OS9: variants seen among roughly 807,000 people sequenced by gnomAD.
The protein encoded by OS9 is protein OS-9.
Under a neutral mutation model 84.7 loss-of-function variants are expected in OS9, and 58 were observed. The observed-to-expected ratio is 0.68, with a 90% CI of 0.55 to 0.85. The LOEUF is 0.85. Among genes scored for constraint, OS9 ranks in the 40% least tolerant of loss-of-function variants. The probability of loss-of-function intolerance (pLI) is 0.00; values close to 1 mark genes in which losing one functional copy is unlikely to be tolerated. For synonymous variants in OS9, 278 were observed against 320.8 expected, an observed-to-expected ratio of 0.87 and a Z score of 1.43; for missense variants, 760 against 850.9, an observed-to-expected ratio of 0.89 and a Z score of 1.33.
At chr12:57,703,174 G>T (rs1481350314) in intron 5 of OS9, among the ~76,000 whole-genome samples, 1 of 152,162 alleles carries the variant, frequency 6.6e-6, no homozygotes, top group Non-Finnish European at 1.5e-5. Flanking sequence ...TCCTGCATCA[G>T]CAGTGTCCTT....
chr12:57,700,971 ACAGATGTTAATGTTTTGCCTGAT>A (rs1954005052), intron 5 of OS9, among the ~76,000 whole-genome samples: 1 of 152,222 alleles, frequency 6.6e-6, no homozygotes, highest in African/African-American at 2.4e-5. Context: ...GCCAAGTTAA[ACAGATGTTAATGTTTTGCCTGAT>A]TTGTTTCAGA....
chr12:57,711,283 TG>T (rs1174342791), intron 5 of OS9, among the ~76,000 whole-genome samples: 2 of 151,336 alleles, frequency 1.3e-5, no homozygotes, highest in East Asian at 1.9e-4. Context: ...TTCTATACCT[TG>T]CTTTTATTTC....
At chr12:57,696,824 A>G (rs552910773) in intron 5 of OS9, among the ~76,000 whole-genome samples, 1 of 151,424 alleles carries the variant, frequency 6.6e-6, no homozygotes, top group African/African-American at 2.4e-5. Context: ...AAAAACCCAC[A>G]TTATTTCCAG....
intron 5 of OS9, among the ~76,000 whole-genome samples, chr12:57,703,604 G>A (rs1361846049): frequency 2.0e-5 from 3 of 152,048 alleles, no homozygotes; most frequent in Admixed American, 2.0e-4. Flanking sequence ...CTATTCCATT[G>A]GTAAATATGT....
chr12:57,716,318 G>T, intron 7 of OS9, 94 bp from the exon 8 acceptor site: 1 of 1,144,218 alleles, frequency 8.7e-7, no homozygotes, highest in Non-Finnish European at 1.3e-6. Context: ...CTCCTCCCTT[G>T]GTGATAGAGG....
At chr12:57,703,297 C>T (rs1047009003) in intron 5 of OS9, among the ~76,000 whole-genome samples, 5 of 151,900 alleles carry the variant, frequency 3.3e-5, no homozygotes, top group African/African-American at 9.7e-5. Flanking sequence ...ATGGGGGTCT[C>T]GTTATGTTGC....
Position 57,697,928 on chromosome 12 carries a change from C to CGGA in OS9, c.579+1555_579+1556insGGA, listed in dbSNP as rs1565767169. ...AAGCAAACACACACACACACATACA[C>CGGA]ACACACACACACACACACACACACA... On this transcript the variant is annotated intron_variant, in intron 5 of 14. Transcript: ENST00000315970. Among the ~76,000 whole-genome samples the CGGA allele has an allele frequency of 1.0e-3, 74 of 71,772 alleles. 1 individual carries two copies. Among genetic ancestry groups the CGGA allele is most frequent in the African/African-American group, 2.9e-3 (65 of 22,324 alleles). 47.1% of individuals were successfully genotyped at this position (71,772 alleles called of 152,430 possible).
At chr12:57,712,787 A>T (rs1954369829) in intron 5 of OS9, among the ~76,000 whole-genome samples, 1 of 151,758 alleles carries the variant, frequency 6.6e-6, no homozygotes, top group African/African-American at 2.4e-5. Flanking sequence ...CACAACATGA[A>T]GCCTCTAGTG....
Position 57,719,118 on chromosome 12 carries a change from G to C in OS9, c.1536G>C (p.Leu512=), listed in dbSNP as rs774907102. Residue 512 remains leucine, a synonymous_variant, in exon 12 of 15, where the codon CTG becomes CTC. Coordinates refer to ENST00000315970, the MANE Select transcript of OS9 (RefSeq NM_006812.4). ...TGGAGGAAAAACAGAGTCCAGAGCTGGTGAAGAAGCACAAGAAAAAGAGGG... is the reference window on the plus strand; with the variant it reads ...TGGAGGAAAAACAGAGTCCAGAGCTCGTGAAGAAGCACAAGAAAAAGAGGG... ...KRLEEKQSPE[L]VKKHKKKRVV... is the part of the protein sequence containing the mutation. The C allele has an allele frequency of 1.9e-6, 3 of 1,614,114 alleles. No homozygotes were observed. In the African/African-American group the frequency reaches 4.0e-5, roughly 22 times the overall value.
intron 5 of OS9, among the ~76,000 whole-genome samples, chr12:57,697,924 T>TGGAACCTA (rs1953906521): frequency 1.1e-5 from 1 of 91,548 alleles, no homozygotes; most frequent in Non-Finnish European, 2.4e-5. Context: ...CACACACACA[T>TGGAACCTA]ACACACACAC....
At chr12:57,719,991 G>T in intron 12 of OS9, 108 bp from the exon 13 acceptor site, 1 of 1,008,860 alleles carries the variant, frequency 9.9e-7, no homozygotes. Flanking sequence ...TGTTGAGATG[G>T]AAGAGCTGCC....
chr12:57,695,115 C>A, intron 2 of OS9, 189 bp downstream of exon 2: 1 of 601,098 alleles, frequency 1.7e-6, no homozygotes, highest in Non-Finnish European at 2.9e-6. Flanking sequence ...CTTTGCTGAA[C>A]GTAGGAGCAG....
chr12:57,703,795 G>T (rs1458463883), intron 5 of OS9, among the ~76,000 whole-genome samples: 2 of 151,690 alleles, frequency 1.3e-5, no homozygotes, highest in Non-Finnish European at 2.9e-5. Flanking sequence ...ACCATTGGAT[G>T]CCTTTCATTT....
chr12:57,708,984 G>T (rs1954252522), intron 5 of OS9, among the ~76,000 whole-genome samples: 1 of 152,110 alleles, frequency 6.6e-6, no homozygotes, highest in African/African-American at 2.4e-5. Flanking sequence ...TTGGATTTTG[G>T]CCAATCATCA....
At chr12:57,700,627 G>A (rs1230971540) in intron 5 of OS9, among the ~76,000 whole-genome samples, 1 of 152,094 alleles carries the variant, frequency 6.6e-6, no homozygotes, top group Admixed American at 6.6e-5. Context: ...TGGGGCTAGG[G>A]AACAACTGGT....
At chr12:57,718,738 A>G (rs1170020682) in intron 11 of OS9, among the ~76,000 whole-genome samples, 3 of 152,198 alleles carry the variant, frequency 2.0e-5, no homozygotes, top group Non-Finnish European at 4.4e-5. Context: ...AACCCTCTCT[A>G]CTAAAAATGC....
At chr12:57,716,648 A>G in intron 8 of OS9, 45 bp from the exon 9 acceptor site, 2 of 1,594,222 alleles carry the variant, frequency 1.3e-6, no homozygotes, top group Non-Finnish European at 1.7e-6. Context: ...TATGGAGGGC[A>G]TGAACAGGCT....
intron 2 of OS9, 79 bp downstream of exon 2, chr12:57,695,005 C>A (rs1162588363): frequency 5.3e-6 from 7 of 1,327,216 alleles, no homozygotes; most frequent in East Asian, 4.6e-5. Flanking sequence ...CTGAATGAGG[C>A]AGGATCTAGG....
intron 13 of OS9, 35 bp downstream of exon 13, chr12:57,720,298 C>T (rs374880222): frequency 7.6e-5 from 122 of 1,612,338 alleles, no homozygotes; most frequent in East Asian, 4.0e-4. Context: ...CCAGTGCTGT[C>T]GGAAGGGCAA....
Sources: allele counts gnomAD v4.1 joint callset (sites outside exome capture counted in the v4.1 genomes callset), GRCh38; gene constraint gnomAD v4.1.1; transcripts MANE v1.5; gene names NCBI Gene and HGNC (gene_info 2026-07-23, HGNC 2026-07-21).